FRMPD4: variants seen among roughly 807,000 people sequenced by gnomAD.
The protein encoded by FRMPD4 is FERM and PDZ domain containing 4.
In FRMPD4, 22 loss-of-function variants were observed where a neutral mutation model predicts 94.1. The ratio of observed to expected loss-of-function variants is 0.23; its 90% CI spans 0.17 to 0.33. FRMPD4 has a LOEUF of 0.33. Ranked by LOEUF, FRMPD4 falls within the 10% of genes least tolerant of loss-of-function variation. FRMPD4 has a pLI of 1.00. For missense variants in FRMPD4, 1,111 were observed against 1,339.9 expected, an observed-to-expected ratio of 0.83 and a Z score of 2.67; for synonymous variants, 631 against 548.6, an observed-to-expected ratio of 1.15 and a Z score of -2.10.
chrX:12,481,942 CAAAAAAAAAAA>C (rs56366427), intron 1 of FRMPD4, among the ~76,000 whole-genome samples: 103 of 11,583 alleles, frequency 8.9e-3, no homozygotes, highest in South Asian at 0.043. Context: ...GACTACATCT[CAAAAAAAAAAA>C]AAAAAAAAAA....
intron 3 of FRMPD4, among the ~76,000 whole-genome samples, chrX:12,073,655 C>A (rs146443976): frequency 0.015 from 1,683 of 112,219 alleles, 16 homozygotes; most frequent in Non-Finnish European, 0.025. Context: ...AGCCAGATTA[C>A]TCTCCAAAAT....
At chrX:12,482,911 T>C (rs1020558579) in intron 1 of FRMPD4, among the ~76,000 whole-genome samples, 1 of 111,955 alleles carries the variant, frequency 8.9e-6, no homozygotes, top group Non-Finnish European at 1.9e-5. Context: ...GGCTACCATA[T>C]TGAGCAGAGC....
chrX:12,250,048 C>G (rs199864912), intron 1 of FRMPD4, among the ~76,000 whole-genome samples: 236 of 78,221 alleles, frequency 3.0e-3, no homozygotes, highest in East Asian at 0.019. Context: ...CTCTCTCTCT[C>G]TGTGTGTGTG....
At chrX:11,998,235 G>A (rs989689378) in intron 3 of FRMPD4, among the ~76,000 whole-genome samples, 9 of 111,455 alleles carry the variant, frequency 8.1e-5, no homozygotes, top group African/African-American at 2.9e-4. Flanking sequence ...GTGTAACTCC[G>A]GCATAACACC....
At chrX:11,930,229 G>T in intron 3 of FRMPD4, among the ~76,000 whole-genome samples, 1 of 109,570 alleles carries the variant, frequency 9.1e-6, no homozygotes, top group Non-Finnish European at 1.9e-5. Flanking sequence ...ATCACAGCCT[G>T]CATTGGGCTA....
At chrX:12,304,104 G>T (rs12850647) in intron 1 of FRMPD4, among the ~76,000 whole-genome samples, 17,012 of 110,062 alleles carry the variant, frequency 0.15, 1,353 homozygotes, top group Admixed American at 0.4. Context: ...TGACATGATT[G>T]ATTTATTTAT....
intron 2 of FRMPD4, among the ~76,000 whole-genome samples, chrX:12,511,177 T>A (rs1412944676): frequency 9.0e-6 from 1 of 111,008 alleles, no homozygotes; most frequent in Non-Finnish European, 1.9e-5. Context: ...CTAGGAGAGG[T>A]GGTTGTTTCT....
chrX:12,688,252 C>T (rs901569085), intron 7 of FRMPD4, among the ~76,000 whole-genome samples: 5 of 111,776 alleles, frequency 4.5e-5, no homozygotes, highest in South Asian at 7.6e-4. Context: ...CAACTCCCTG[C>T]CATTGGACTC....
At chrX:12,011,139 T>C (rs779970518) in intron 3 of FRMPD4, among the ~76,000 whole-genome samples, 1 of 112,549 alleles carries the variant, frequency 8.9e-6, no homozygotes, top group Admixed American at 9.4e-5. Context: ...TTTGGTTGGT[T>C]AGAAAACTCT....
intron 1 of FRMPD4, among the ~76,000 whole-genome samples, chrX:11,844,535 G>C (rs1379152023): frequency 9.0e-6 from 1 of 110,975 alleles, no homozygotes; most frequent in Non-Finnish European, 1.9e-5. Context: ...TTGTTTCTGT[G>C]TCTCTGAAGA....
intron 4 of FRMPD4, among the ~76,000 whole-genome samples, chrX:12,618,210 T>A (rs1191234835): frequency 8.9e-6 from 1 of 111,951 alleles, no homozygotes; most frequent in Non-Finnish European, 1.9e-5. Context: ...AAATTTTATT[T>A]TTAAAAAGTA....
intron 1 of FRMPD4, among the ~76,000 whole-genome samples, chrX:12,311,675 T>G (rs2055032668): frequency 9.0e-6 from 1 of 111,683 alleles, no homozygotes; most frequent in Admixed American, 9.5e-5. Flanking sequence ...TTTTTGTTGA[T>G]TATATTATTC....
At chrX:12,638,172 G>C (rs2059459920) in intron 4 of FRMPD4, among the ~76,000 whole-genome samples, 1 of 112,538 alleles carries the variant, frequency 8.9e-6, no homozygotes, top group Non-Finnish European at 1.9e-5. Context: ...AGCATTCATT[G>C]CATCATGTTT....
intron 3 of FRMPD4, among the ~76,000 whole-genome samples, chrX:12,000,490 A>G (rs1172187627): frequency 8.9e-6 from 1 of 112,205 alleles, no homozygotes; most frequent in Non-Finnish European, 1.9e-5. Context: ...TAGTACTAGT[A>G]TAATAGTTCG....
At chrX:11,997,179 A>G (rs1199343468) in intron 3 of FRMPD4, among the ~76,000 whole-genome samples, 1 of 111,203 alleles carries the variant, frequency 9.0e-6, no homozygotes, top group Non-Finnish European at 1.9e-5. Flanking sequence ...GAAGATTATG[A>G]GATAGGGTAT....
intron 10 of FRMPD4, among the ~76,000 whole-genome samples, chrX:12,704,062 G>A (rs1057147882): frequency 4.3e-4 from 48 of 112,739 alleles, no homozygotes; most frequent in African/African-American, 1.5e-3. Context: ...TGACTTTGAA[G>A]AGATTCAGAA....
intron 3 of FRMPD4, among the ~76,000 whole-genome samples, chrX:12,058,834 G>T (rs1327964909): frequency 9.1e-6 from 1 of 110,303 alleles, no homozygotes; most frequent in Non-Finnish European, 1.9e-5. Flanking sequence ...TGGGGGACGG[G>T]TTGCTTCTGG....
chrX:12,484,266 C>T (rs947491071), intron 1 of FRMPD4, among the ~76,000 whole-genome samples: 1 of 111,878 alleles, frequency 8.9e-6, no homozygotes. Context: ...CTTTAGAGCC[C>T]AGCTAAGACT....
At chrX:12,439,295 A>T (rs2057107009) in intron 1 of FRMPD4, among the ~76,000 whole-genome samples, 1 of 111,636 alleles carries the variant, frequency 9.0e-6, no homozygotes, top group Admixed American at 9.5e-5. Flanking sequence ...TGCTCTGAGT[A>T]ATAAATCCCT....
Sources: gnomAD v4.1 joint callset for allele counts (sites outside exome capture counted in the v4.1 genomes callset) on GRCh38, gnomAD v4.1.1 for gene constraint, MANE v1.5 for transcripts, NCBI Gene and HGNC (gene_info 2026-07-23, HGNC 2026-07-21) for gene names.